CADPS: variants seen among roughly 807,000 people sequenced by gnomAD.
CADPS encodes the protein calcium dependent secretion activator.
A neutral mutation model predicts 167.3 loss-of-function variants in CADPS; 57 were observed. That is an observed-to-expected ratio of 0.34 (90% confidence interval 0.28 to 0.42). The LOEUF is 0.42. Among genes scored for constraint, CADPS ranks in the 20% least tolerant of loss-of-function variants. The probability of loss-of-function intolerance (pLI) is 1.00; values close to 1 mark genes in which losing one functional copy is unlikely to be tolerated. For synonymous variants in CADPS, 676 were observed against 635.3 expected (o/e 1.06, Z -0.96); for missense variants, 1,414 against 1,738.1 (o/e 0.81, Z 3.32).
intron 3 of CADPS, among the ~76,000 whole-genome samples, chr3:62,720,311 G>A (rs769294731): frequency 4.0e-5 from 6 of 151,152 alleles, no homozygotes; most frequent in Non-Finnish European, 8.8e-5. Flanking sequence ...TATCAGGGGG[G>A]CATTTTTGCT....
intron 6 of CADPS, among the ~76,000 whole-genome samples, chr3:62,594,056 T>A (rs2086681858): frequency 6.6e-6 from 1 of 152,192 alleles, no homozygotes; most frequent in Non-Finnish European, 1.5e-5. Flanking sequence ...ACAATTTCAT[T>A]TAGAGAACTT....
At chr3:62,449,851 C>G (rs1332495008) in intron 26 of CADPS, among the ~76,000 whole-genome samples, 3 of 151,432 alleles carry the variant, frequency 2.0e-5, no homozygotes, top group Non-Finnish European at 2.9e-5. Flanking sequence ...AACTTTAAAT[C>G]TAGAGAAGTG....
At chr3:62,587,335 G>T (rs1223770355) in intron 7 of CADPS, among the ~76,000 whole-genome samples, 1 of 152,214 alleles carries the variant, frequency 6.6e-6, no homozygotes. Context: ...ATAGGGCACT[G>T]CTGGGTTGTG....
chr3:62,406,774 C>T (rs1286271108), intron 28 of CADPS, among the ~76,000 whole-genome samples: 1 of 152,198 alleles, frequency 6.6e-6, no homozygotes, highest in Admixed American at 6.5e-5. Context: ...CAAAAGGATG[C>T]CCATCATAGA....
chr3:62,834,595 G>T (rs1376092821), intron 1 of CADPS, among the ~76,000 whole-genome samples: 1 of 152,106 alleles, frequency 6.6e-6, no homozygotes, highest in Admixed American at 6.6e-5. Flanking sequence ...GAAACATCAA[G>T]GTCATACTAT....
rs555883234 is a variant in CADPS at position 62,417,148 on chromosome 3, A to G, written c.3778-13963T>C. Among the ~76,000 whole-genome samples the G allele has an allele frequency of 2.6e-5, 4 of 152,076 alleles. No homozygotes were observed. In the South Asian group the frequency reaches 6.2e-4, roughly 24 times the overall value. ...CTATGCTGTACTCTGTCTGAACACT[A>G]TTGGTGATTCTGATTTGTTGTGCCA... On this transcript the variant is annotated intron_variant, in intron 28 of 29. Transcript: ENST00000383710.
Position 62,478,413 on chromosome 3 carries a change from A to G in CADPS, c.3177T>C (p.Asn1059=), listed in dbSNP as rs370276474. Residue 1059 remains asparagine (N), a synonymous_variant, in exon 23 of 30, where the codon AAT becomes AAC. Transcript: ENST00000383710. The surrounding 1 kb of genome is among the most constrained non-coding windows in gnomAD (Gnocchi z 5.7). ...ACAGATCTTCTGAGGTGCCTGACCC[A>G]TTACTGGCAGGACAAAAATTAGAAA... is the stretch of plus-strand genomic sequence containing the variant. ...SWMAAIYDAD[N]GSGTSEDLFW... The G allele has an allele frequency of 1.2e-6, 2 of 1,613,212 alleles. No homozygotes were observed. Among genetic ancestry groups the G allele is most frequent in the Non-Finnish European group, 1.7e-6 (2 of 1,179,592 alleles).
intron 3 of CADPS, among the ~76,000 whole-genome samples, chr3:62,713,915 AT>A (rs2083893037): frequency 6.6e-6 from 1 of 152,154 alleles, no homozygotes; most frequent in Non-Finnish European, 1.5e-5. Flanking sequence ...AGCCACCTGA[AT>A]TTCTGCCTTT....
rs182834049 is a variant in CADPS, at chr3:62,643,892, G to A, written c.1325+1830C>T. Among the ~76,000 whole-genome samples, 73 of 152,268 alleles carry A rather than the reference G, an allele frequency of 4.8e-4. No homozygotes were observed. In the East Asian group the frequency reaches 0.013, roughly 26 times the overall value. The stretch of plus-strand genomic sequence containing the variant: ...ATGGAAAACGATCAGACCATTTGAG[G>A]AATAACTGGGATTTCATCAATGGCA... On this transcript the variant is annotated intron_variant, in intron 6 of 29. Coordinates refer to ENST00000383710, the MANE Select transcript of CADPS (RefSeq NM_003716.4).
At chr3:62,434,208 T>C (rs2054531152) in intron 28 of CADPS, among the ~76,000 whole-genome samples, 1 of 152,220 alleles carries the variant, frequency 6.6e-6, no homozygotes, top group Non-Finnish European at 1.5e-5. Flanking sequence ...CAAAATGTTA[T>C]AAACTGTTAT....
intron 3 of CADPS, among the ~76,000 whole-genome samples, chr3:62,689,767 T>C (rs2078756755): frequency 6.6e-6 from 1 of 151,956 alleles, no homozygotes; most frequent in Non-Finnish European, 1.5e-5. Flanking sequence ...ATTCACACAA[T>C]GTGTTAATAG....
At chr3:62,706,707 T>C (rs910346641) in intron 3 of CADPS, among the ~76,000 whole-genome samples, 7 of 152,126 alleles carry the variant, frequency 4.6e-5, no homozygotes, top group African/African-American at 1.7e-4. Context: ...TATGGTGATT[T>C]CTCTGTGTGT....
At chr3:62,650,523 T>C (rs2069824785) in intron 5 of CADPS, among the ~76,000 whole-genome samples, 1 of 152,220 alleles carries the variant, frequency 6.6e-6, no homozygotes, top group Non-Finnish European at 1.5e-5. Flanking sequence ...CTTGCCTCTC[T>C]TATAACTGTA....
chr3:62,761,105 C>T (rs1279348204), intron 2 of CADPS, among the ~76,000 whole-genome samples: 1 of 152,134 alleles, frequency 6.6e-6, no homozygotes, highest in African/African-American at 2.4e-5. Flanking sequence ...TTATATCTTA[C>T]TATCTGGCTT....
At chr3:62,417,921 T>C (rs1236812106) in intron 28 of CADPS, among the ~76,000 whole-genome samples, 1 of 151,976 alleles carries the variant, frequency 6.6e-6, no homozygotes, top group East Asian at 1.9e-4. Context: ...TCTCAGCTAC[T>C]TGGGAGTTTG....
At chr3:62,823,450 C>G (rs2073395108) in intron 1 of CADPS, among the ~76,000 whole-genome samples, 1 of 152,024 alleles carries the variant, frequency 6.6e-6, no homozygotes. Flanking sequence ...TTATATTTTC[C>G]CTTTGGGTGA....
chr3:62,656,183 C>G (rs185395974), intron 4 of CADPS, among the ~76,000 whole-genome samples: 1 of 152,164 alleles, frequency 6.6e-6, no homozygotes, highest in East Asian at 1.9e-4. Context: ...TCTTTACACA[C>G]ATACACCCCT....
chr3:62,673,158 A>G (rs574081309), intron 3 of CADPS, among the ~76,000 whole-genome samples: 3 of 152,346 alleles, frequency 2.0e-5, no homozygotes, highest in African/African-American at 7.2e-5. Flanking sequence ...AAAATAGCCA[A>G]TGACTGATGT....
At chr3:62,410,102 G>A (rs891005396) in intron 28 of CADPS, among the ~76,000 whole-genome samples, 9 of 152,094 alleles carry the variant, frequency 5.9e-5, no homozygotes, top group African/African-American at 1.9e-4. Flanking sequence ...GCCTGTAAGT[G>A]AGGGAAATAT....
Sources: allele counts gnomAD v4.1 joint callset (sites outside exome capture counted in the v4.1 genomes callset), GRCh38; gene constraint gnomAD v4.1.1; non-coding constraint Gnocchi (gnomAD v3.1); transcripts MANE v1.5; gene names NCBI Gene and HGNC (gene_info 2026-07-23, HGNC 2026-07-21).